RPS6KA2: variants seen among roughly 807,000 people sequenced by gnomAD.
RPS6KA2 encodes the protein ribosomal protein S6 kinase alpha-2.
Under a neutral mutation model 91.8 loss-of-function variants are expected in RPS6KA2, and 42 were observed. The observed-to-expected ratio is 0.46, with a 90% CI of 0.36 to 0.59. RPS6KA2 has a LOEUF of 0.59. Among genes scored for constraint, RPS6KA2 ranks in the 20% least tolerant of loss-of-function variants. The pLI is 0.00. For missense variants in RPS6KA2, 798 were observed against 978.5 expected (o/e 0.82, Z 2.46); for synonymous variants, 414 against 393.6 (o/e 1.05, Z -0.61).
intron 2 of RPS6KA2, among the ~76,000 whole-genome samples, chr6:166,827,174 A>G (rs1292440461): frequency 1.3e-5 from 2 of 151,312 alleles, no homozygotes; most frequent in Non-Finnish European, 2.9e-5. Flanking sequence ...CAAGAAGAAA[A>G]GGTTCTCAGG....
At chr6:166,746,192 AGAGCAGGCAAGG>A (rs908756248) in intron 2 of RPS6KA2, among the ~76,000 whole-genome samples, 32 of 152,186 alleles carry the variant, frequency 2.1e-4, no homozygotes, top group African/African-American at 7.7e-4. Flanking sequence ...GGCTCTCCCC[AGAGCAGGCAAGG>A]CCATGTGATA....
At chr6:166,764,316 A>G (rs900857812) in intron 2 of RPS6KA2, among the ~76,000 whole-genome samples, 1 of 152,068 alleles carries the variant, frequency 6.6e-6, no homozygotes, top group Non-Finnish European at 1.5e-5. Flanking sequence ...GAAAAGGAAG[A>G]CTGTGAGGCG....
At chr6:166,571,857 T>C (rs1784698486) in intron 1 of RPS6KA2, among the ~76,000 whole-genome samples, 1 of 152,192 alleles carries the variant, frequency 6.6e-6, no homozygotes, top group African/African-American at 2.4e-5. Flanking sequence ...AACAACTGAC[T>C]TCCTTTTTAG....
chr6:166,803,549 A>G (rs556249542), intron 2 of RPS6KA2, among the ~76,000 whole-genome samples: 1 of 152,346 alleles, frequency 6.6e-6, no homozygotes, highest in African/African-American at 2.4e-5. Context: ...CCGTGTCAGG[A>G]GTCTAAACGG....
At chr6:166,690,648 TG>T (rs1365071519) in intron 2 of RPS6KA2, among the ~76,000 whole-genome samples, 1 of 152,164 alleles carries the variant, frequency 6.6e-6, no homozygotes, top group African/African-American at 2.4e-5. Context: ...ATCCGCTCCC[TG>T]GGGGCAGGAG....
intron 2 of RPS6KA2, among the ~76,000 whole-genome samples, chr6:166,771,852 G>C (rs1778480224): frequency 6.6e-6 from 1 of 152,148 alleles, no homozygotes; most frequent in Non-Finnish European, 1.5e-5. Flanking sequence ...CACAGCTTTG[G>C]GGCTGGCTTC....
chr6:166,555,083 C>T (rs1784140154), intron 1 of RPS6KA2, among the ~76,000 whole-genome samples: 1 of 152,218 alleles, frequency 6.6e-6, no homozygotes, highest in Non-Finnish European at 1.5e-5. Context: ...CAGGAACATA[C>T]ATCCTAAGCA....
chr6:166,724,818 C>G (rs1444327883), intron 2 of RPS6KA2, among the ~76,000 whole-genome samples: 1 of 152,248 alleles, frequency 6.6e-6, no homozygotes, highest in Admixed American at 6.5e-5. Context: ...CAGCTTTACA[C>G]AGACTCCTGT....
chr6:166,696,373 T>C (rs1346619655), intron 2 of RPS6KA2, among the ~76,000 whole-genome samples: 1 of 152,198 alleles, frequency 6.6e-6, no homozygotes, highest in African/African-American at 2.4e-5. Context: ...AGATGATTTC[T>C]CCAAGTTTAT....
chr6:166,446,922 G>C (rs756541511), intron 14 of RPS6KA2, among the ~76,000 whole-genome samples: 4 of 151,196 alleles, frequency 2.6e-5, no homozygotes, highest in Non-Finnish European at 5.9e-5. Flanking sequence ...GTAGGCTTAC[G>C]AAGCACATGT....
chr6:166,509,873 A>G (rs763776786), intron 4 of RPS6KA2, among the ~76,000 whole-genome samples: 2 of 152,256 alleles, frequency 1.3e-5, no homozygotes, highest in Non-Finnish European at 2.9e-5. Flanking sequence ...ATCTTTAAAC[A>G]TGATATTCAT....
At chr6:166,845,009 A>C (rs1005223913) in intron 2 of RPS6KA2, among the ~76,000 whole-genome samples, 1 of 152,154 alleles carries the variant, frequency 6.6e-6, no homozygotes, top group African/African-American at 2.4e-5. Context: ...TAAGATAAAG[A>C]GGTGGAAAAG....
intron 2 of RPS6KA2, among the ~76,000 whole-genome samples, chr6:166,847,420 A>C (rs1192606744): frequency 6.6e-6 from 1 of 152,214 alleles, no homozygotes; most frequent in African/African-American, 2.4e-5. Flanking sequence ...TCTAAAATTC[A>C]TATGGAACCA....
At chr6:166,606,225 G>T (rs1174265546) in intron 1 of RPS6KA2, among the ~76,000 whole-genome samples, 1 of 152,160 alleles carries the variant, frequency 6.6e-6, no homozygotes, top group Non-Finnish European at 1.5e-5. Flanking sequence ...CTTCTTTTGA[G>T]ACCCACAAGG....
intron 2 of RPS6KA2, among the ~76,000 whole-genome samples, chr6:166,675,512 AT>A (rs1788595014): frequency 6.6e-6 from 1 of 151,990 alleles, no homozygotes; most frequent in Non-Finnish European, 1.5e-5. Flanking sequence ...GCCCTGGAAA[AT>A]CCCCTCCCCA....
At chr6:166,592,682 T>G (rs1425794671) in intron 1 of RPS6KA2, among the ~76,000 whole-genome samples, 1 of 64,622 alleles carries the variant, frequency 1.5e-5, no homozygotes, top group Non-Finnish European at 2.9e-5. Flanking sequence ...CGCACAGAAC[T>G]GTACTACAGC....
chr6:166,745,285 G>A (rs997698741), intron 2 of RPS6KA2, among the ~76,000 whole-genome samples: 3 of 151,826 alleles, frequency 2.0e-5, no homozygotes, highest in Non-Finnish European at 2.9e-5. Flanking sequence ...CTGAGTAGCT[G>A]GGATTTCAGG....
chr6:166,413,965 G>A, intron 19 of RPS6KA2, 34 bp from the exon 20 acceptor site: 1 of 1,606,596 alleles, frequency 6.2e-7, no homozygotes, highest in South Asian at 1.1e-5. Context: ...CGGGGGGATG[G>A]TTGGATCATT....
At chr6:166,438,390 C>A (rs548534474) in intron 14 of RPS6KA2, among the ~76,000 whole-genome samples, 1 of 152,254 alleles carries the variant, frequency 6.6e-6, no homozygotes, top group Non-Finnish European at 1.5e-5. Context: ...GGCTGGCCCG[C>A]GCTCCAGGCC....
Sources: gnomAD v4.1 joint callset for allele counts (sites outside exome capture counted in the v4.1 genomes callset) on GRCh38, gnomAD v4.1.1 for gene constraint, MANE v1.5 for transcripts, NCBI Gene and HGNC (gene_info 2026-07-23, HGNC 2026-07-21) for gene names.